The following EPS15 variants were observed in gnomAD, a reference collection of about 807,000 sequenced individuals.
EPS15 encodes epidermal growth factor receptor pathway substrate 15, also known as epidermal growth factor receptor substrate 15.
A neutral mutation model predicts 113.8 loss-of-function variants in EPS15; 72 were observed. The observed-to-expected ratio is 0.63, with a 90% CI of 0.52 to 0.77. The LOEUF (loss-of-function observed/expected upper bound fraction) is 0.77. EPS15 is among the 30% of genes least tolerant of loss of function. The pLI is 0.00. For missense variants in EPS15, 1,048 were observed against 1,045.8 expected, an observed-to-expected ratio of 1.00 and a Z score of -0.03; for synonymous variants, 344 against 363.4, an observed-to-expected ratio of 0.95 and a Z score of 0.61.
chr1:51,468,368 G>C lies in EPS15; in HGVS notation c.309+105C>G, dbSNP rs192688241. On this transcript the variant is annotated intron_variant, in intron 5 of 24. Transcript: ENST00000371733. The stretch of plus-strand genomic sequence containing the variant: ...AAAAAAGCCAAGTAGCTGAGTGAAA[G>C]GGCCAAAGGGAGAATTCCTTTTAAT... The C allele has an allele frequency of 1.7e-4, 142 of 841,154 alleles. No homozygotes were observed. The East Asian group carries it at 3.7e-3, about 22-fold the overall frequency. 52.1% of individuals were successfully genotyped at this position (841,154 alleles called of 1,614,324 possible).
At chr1:51,504,861 C>T (rs1356586809) in intron 1 of EPS15, among the ~76,000 whole-genome samples, 1 of 152,148 alleles carries the variant, frequency 6.6e-6, no homozygotes, top group East Asian at 1.9e-4. Context: ...TGGCTCACAC[C>T]TATAATCCCA....
rs1646207562 is a variant in EPS15 at position 51,355,886 on chromosome 1, G to A, written c.*814C>T. On this transcript the variant is annotated 3_prime_UTR_variant, in exon 25 of 25. Coordinates refer to ENST00000371733, the MANE Select transcript of EPS15 (RefSeq NM_001981.3). Reference sequence around the variant, plus strand: ...GACTTTTGCTTGCCTTATACTGATGGGTATATTTTAGGTGATAAATTTTCT... The same window carrying A: ...GACTTTTGCTTGCCTTATACTGATGAGTATATTTTAGGTGATAAATTTTCT... 1 of 195,908 alleles carries A rather than the reference G, an allele frequency of 5.1e-6. No homozygotes were observed. The highest frequency in any genetic ancestry group is 1.1e-5 in the Non-Finnish European group (1 of 94,684). The allele number at this position is 195,908 out of a possible 1,614,324, so 12.1% of individuals were successfully genotyped here.
rs563789214 is a variant in EPS15 at position 51,504,638 on chromosome 1, G to A, written c.33+14561C>T. Among the ~76,000 whole-genome samples, 15 of 152,088 alleles carry A rather than the reference G, an allele frequency of 9.9e-5. No homozygotes were observed. In the South Asian group the frequency reaches 2.9e-3, roughly 30 times the overall value. On this transcript the variant is annotated intron_variant, in intron 1 of 24. Coordinates refer to ENST00000371733, the MANE Select transcript of EPS15 (RefSeq NM_001981.3). ...TTTCTCTAAAGAAGACATACAAATGGCTAATAAGCACATAAAAAGATGCTT... is the reference window on the plus strand; with the variant it reads ...TTTCTCTAAAGAAGACATACAAATGACTAATAAGCACATAAAAAGATGCTT...
chr1:51,499,750 A>C (rs1017437594), intron 1 of EPS15, among the ~76,000 whole-genome samples: 1 of 152,102 alleles, frequency 6.6e-6, no homozygotes, highest in Admixed American at 6.5e-5. Context: ...TTCTTTAGAG[A>C]AATCTCTATT....
chr1:51,463,547 C>T, intron 7 of EPS15, 126 bp downstream of exon 7: 1 of 546,328 alleles, frequency 1.8e-6, no homozygotes, highest in East Asian at 3.1e-5. Flanking sequence ...AACAAAAAAT[C>T]CTATAATGAT....
At chr1:51,428,077 A>G (rs1203113937) in intron 12 of EPS15, among the ~76,000 whole-genome samples, 1 of 152,152 alleles carries the variant, frequency 6.6e-6, no homozygotes, top group Non-Finnish European at 1.5e-5. Context: ...AAGGCAATGA[A>G]ATGATATATT....
intron 21 of EPS15, among the ~76,000 whole-genome samples, chr1:51,392,453 A>C (rs1647479828): frequency 6.6e-6 from 1 of 152,192 alleles, no homozygotes; most frequent in Non-Finnish European, 1.5e-5. Flanking sequence ...TTATTCTACC[A>C]CTTTACAGGA....
chr1:51,420,382 T>G (rs996263052), intron 13 of EPS15, among the ~76,000 whole-genome samples: 1 of 152,160 alleles, frequency 6.6e-6, no homozygotes, highest in Middle Eastern at 3.2e-3. Flanking sequence ...GTAGATATAC[T>G]CAACAAAATA....
chr1:51,462,919 C>T (rs12751035), intron 7 of EPS15, among the ~76,000 whole-genome samples: 8,311 of 142,658 alleles, frequency 0.058, 324 homozygotes, highest in Non-Finnish European at 0.086. Context: ...GCTTGTCGCC[C>T]AGGCTGGAGT....
At chr1:51,408,622 T>A (rs534460400) in intron 14 of EPS15, among the ~76,000 whole-genome samples, 1 of 151,656 alleles carries the variant, frequency 6.6e-6, no homozygotes, top group Non-Finnish European at 1.5e-5. Flanking sequence ...GTTGTTGTTG[T>A]TGATGTTTTA....
intron 12 of EPS15, among the ~76,000 whole-genome samples, chr1:51,431,861 C>A (rs776301365): frequency 6.6e-6 from 1 of 152,114 alleles, no homozygotes; most frequent in African/African-American, 2.4e-5. Context: ...CCTTAACTTT[C>A]TGAATTACAA....
At chr1:51,426,004 T>G (rs1307115281) in intron 12 of EPS15, among the ~76,000 whole-genome samples, 1 of 152,286 alleles carries the variant, frequency 6.6e-6, no homozygotes, top group East Asian at 1.9e-4. Flanking sequence ...CTCAATATCA[T>G]TCAAAATAAC....
At chr1:51,466,492 G>A (rs1049381039) in intron 5 of EPS15, among the ~76,000 whole-genome samples, 1 of 151,468 alleles carries the variant, frequency 6.6e-6, no homozygotes, top group Non-Finnish European at 1.5e-5. Flanking sequence ...GTGTGGTGGT[G>A]GGTGCCTGTA....
Position 51,361,168 on chromosome 1 carries a change from T to A in EPS15, c.2544+3A>T, listed in dbSNP as rs2148344036. On this transcript the variant is annotated splice_donor_region_variant and intron_variant, in intron 24 of 24. Coordinates refer to ENST00000371733, the MANE Select transcript of EPS15 (RefSeq NM_001981.3). ...CCCCAAACAGCTCATTCACAGTACT[T>A]ACAGCACTGAAGTTGGCAAAATTGC... 6.2e-7 allele frequency: 1 copy of A among 1,608,762 alleles called. No individual in the cohort carries two copies. The highest frequency in any genetic ancestry group is 1.7e-5 in the Admixed American group (1 of 59,960).
Position 51,356,731 on chromosome 1 carries a change from G to A in EPS15, c.2660C>T (p.Ala887Val). 4 of 1,613,862 alleles carry A rather than the reference G, an allele frequency of 2.5e-6. No homozygotes were observed. The highest frequency in any genetic ancestry group is 3.4e-6 in the Non-Finnish European group (4 of 1,179,850). ...TTCTGATATCTCAGATTTGCTGAGT[G>A]CAATAGCCAGTTCTAAGTCTTCTTG... is the stretch of plus-strand genomic sequence containing the variant. ...QEQEDLELAI[A>V]LSKSEISEA Residue 887 changes from alanine to valine, a missense_variant, in exon 25 of 25, where the codon GCA becomes GTA. By Grantham distance (64) the Ala-to-Val change is moderately conservative. Coordinates refer to ENST00000371733, the MANE Select transcript of EPS15 (RefSeq NM_001981.3).
chr1:51,508,816 T>C (rs539444844), intron 1 of EPS15, among the ~76,000 whole-genome samples: 7 of 152,256 alleles, frequency 4.6e-5, no homozygotes, highest in Admixed American at 2.6e-4. Flanking sequence ...CATAAGAAAA[T>C]TGATGTTATA....
chr1:51,374,050 TA>T (rs1422869411), intron 21 of EPS15, among the ~76,000 whole-genome samples: 1 of 152,190 alleles, frequency 6.6e-6, no homozygotes, highest in African/African-American at 2.4e-5. Flanking sequence ...AGAGGCTAAG[TA>T]AATACATGAA....
At chr1:51,388,368 G>C (rs1647152237) in intron 21 of EPS15, among the ~76,000 whole-genome samples, 1 of 152,108 alleles carries the variant, frequency 6.6e-6, no homozygotes, top group South Asian at 2.1e-4. Flanking sequence ...AGACAAAGCA[G>C]GAAAGATCCA....
At chr1:51,440,534 T>C in intron 11 of EPS15, 102 bp from the exon 12 acceptor site, 2 of 437,098 alleles carry the variant, frequency 4.6e-6, no homozygotes, top group Non-Finnish European at 8.1e-6. Flanking sequence ...AGGTATTGCA[T>C]ATTTTACTGT....
Sources: allele counts gnomAD v4.1 joint callset (sites outside exome capture counted in the v4.1 genomes callset), GRCh38; gene constraint gnomAD v4.1.1; transcripts MANE v1.5; gene names NCBI Gene and HGNC (gene_info 2026-07-23, HGNC 2026-07-21).